The following MAST4 variants were observed in gnomAD, a reference collection of about 807,000 sequenced individuals.
MAST4 encodes the protein microtubule-associated serine/threonine-protein kinase 4.
Under a neutral mutation model 162.7 loss-of-function variants are expected in MAST4, and 89 were observed. The ratio of observed to expected loss-of-function variants is 0.55; its 90% CI spans 0.46 to 0.65. The LOEUF is 0.65. Among genes scored for constraint, MAST4 ranks in the 30% least tolerant of loss-of-function variants. The pLI is 0.00. For missense variants in MAST4, 3,153 were observed against 3,374.0 expected (o/e 0.93, Z 1.62); for synonymous variants, 1,479 against 1,361.1 (o/e 1.09, Z -1.91).
chr5:66,829,082 A>G lies in MAST4; in HGVS notation c.642+40288A>G, dbSNP rs1265888605. ...TGAGGAAGCTGCTTTTGTCAGAGACAATAGATATGACTTTTAGTTTGACAC... is the reference window on the plus strand; with the variant it reads ...TGAGGAAGCTGCTTTTGTCAGAGACGATAGATATGACTTTTAGTTTGACAC... On this transcript the variant is annotated intron_variant, in intron 3 of 28. Transcript: ENST00000403625. 2.6e-5 allele frequency among the ~76,000 whole-genome samples: 4 copies of G among 152,144 alleles called. No homozygotes were observed. In the East Asian group the frequency reaches 7.7e-4, roughly 29 times the overall value.
At chr5:67,003,227 A>C (rs893169839) in intron 4 of MAST4, among the ~76,000 whole-genome samples, 3 of 152,114 alleles carry the variant, frequency 2.0e-5, no homozygotes, top group African/African-American at 7.2e-5. Flanking sequence ...GTTTGGGATA[A>C]AGTCCCAAAT....
intron 3 of MAST4, among the ~76,000 whole-genome samples, chr5:66,853,816 A>G (rs1172116361): frequency 6.6e-6 from 1 of 152,226 alleles, no homozygotes; most frequent in Admixed American, 6.5e-5. Flanking sequence ...TATATAACTT[A>G]TGTTTTAAAC....
In MAST4 at chr5:67,150,734, A is replaced by T. The variant is rs115276547; in HGVS notation, c.3295+1145A>T. Among the ~76,000 whole-genome samples, 6 of 152,266 alleles carry T rather than the reference A, an allele frequency of 3.9e-5. No homozygotes were observed. In the South Asian group the frequency reaches 6.2e-4, roughly 16 times the overall value. ...CTGGCCTTTCAGCAGTTTGGGATCT[A>T]TGTGTGTCCACAGTGACCTCCTCCC... On this transcript the variant is annotated intron_variant, in intron 24 of 28. Coordinates refer to ENST00000403625, the MANE Select transcript of MAST4 (RefSeq NM_001164664.2).
At chr5:66,730,823 A>G (rs1195177166) in intron 1 of MAST4, among the ~76,000 whole-genome samples, 2 of 151,714 alleles carry the variant, frequency 1.3e-5, no homozygotes, top group African/African-American at 4.8e-5. Flanking sequence ...ACAACATGCC[A>G]TTTTGCTTTA....
At chr5:66,930,805 C>A (rs1742112179) in intron 4 of MAST4, 1 of 470,640 alleles carries the variant, frequency 2.1e-6, no homozygotes, top group African/African-American at 2.0e-5. Context: ...AATGGGTGTG[C>A]CTGCTTTAGG....
intron 3 of MAST4, among the ~76,000 whole-genome samples, chr5:66,860,254 A>T (rs1321491532): frequency 6.6e-6 from 1 of 152,250 alleles, no homozygotes; most frequent in Non-Finnish European, 1.5e-5. Context: ...TAGTTGATAC[A>T]TGTAATACAC....
intron 1 of MAST4, among the ~76,000 whole-genome samples, chr5:66,744,024 T>C (rs1162749432): frequency 6.6e-6 from 1 of 152,110 alleles, no homozygotes; most frequent in Non-Finnish European, 1.5e-5. Context: ...CTTTTCCTCT[T>C]CCTCTCTCTC....
chr5:67,128,848 T>C (rs139861096), intron 14 of MAST4, among the ~76,000 whole-genome samples: 1 of 152,300 alleles, frequency 6.6e-6, no homozygotes, highest in East Asian at 1.9e-4. Context: ...GATTGATGGC[T>C]GTTCAGGTAA....
rs749776188 is a variant in MAST4, at chr5:66,759,727, C to T, written c.382C>T (p.Pro128Ser). Residue 128 changes from proline to serine, a missense_variant, in exon 2 of 29, where the codon CCT becomes TCT. Coordinates refer to ENST00000403625, the MANE Select transcript of MAST4 (RefSeq NM_001164664.2). ...QDEELDHILSPPPMPFRKCSN... is the reference protein window; with the variant it reads ...QDEELDHILSSPPMPFRKCSN... Reference sequence around the variant, plus strand: ...TCTGCAGCTTGACCACATATTATCCCCTCCACCCATGCCGTTTCGGAAATG... The same window carrying T: ...TCTGCAGCTTGACCACATATTATCCTCTCCACCCATGCCGTTTCGGAAATG... 1.9e-6 allele frequency: 3 copies of T among 1,613,924 alleles called. No homozygotes were observed. Among genetic ancestry groups the T allele is most frequent in the Non-Finnish European group, 1.7e-6 (2 of 1,179,860 alleles).
At chr5:66,814,266 T>C (rs576436641) in intron 3 of MAST4, among the ~76,000 whole-genome samples, 114 of 152,360 alleles carry the variant, frequency 7.5e-4, no homozygotes, top group African/African-American at 2.5e-3. Context: ...AATTGCTCAC[T>C]GTGCCTCCTC....
chr5:66,750,333 C>A (rs1394638227), intron 1 of MAST4, among the ~76,000 whole-genome samples: 1 of 152,180 alleles, frequency 6.6e-6, no homozygotes, highest in Non-Finnish European at 1.5e-5. Context: ...TCTACAGCTC[C>A]CAGCGTGAGC....
At chr5:66,615,654 A>G (rs1743622151) in intron 1 of MAST4, among the ~76,000 whole-genome samples, 3 of 151,418 alleles carry the variant, frequency 2.0e-5, no homozygotes, top group African/African-American at 7.3e-5. Context: ...TCTCCCTTAA[A>G]AAAAAAAAAT....
chr5:66,635,985 G>A (rs61131128), intron 1 of MAST4, among the ~76,000 whole-genome samples: 32,653 of 112,950 alleles, frequency 0.29, 4,488 homozygotes, highest in Middle Eastern at 0.36. Flanking sequence ...TCGAGACAGA[G>A]TCTTGCTCTG....
chr5:66,601,456 G>A (rs915916239), intron 1 of MAST4, among the ~76,000 whole-genome samples: 33 of 152,166 alleles, frequency 2.2e-4, no homozygotes, highest in Non-Finnish European at 4.6e-4. Context: ...TCAAAAAGTG[G>A]CAAATGGGGA....
Position 66,596,717 on chromosome 5 carries a change from G to C in MAST4, c.62G>C (p.Ser21Thr). ...PVPRGCSGHG[S>T]RTPASALVAA... ...CCCCGCGGCTGCAGTGGCCACGGCA[G>C]CCGGACTCCAGCCTCTGCGCTGGTC... Residue 21 changes from serine to threonine, a missense_variant, in exon 1 of 29, where the codon AGC becomes ACC. By Grantham distance (58) the Ser-to-Thr change is moderately conservative. Transcript: ENST00000403625. 6.9e-7 allele frequency: 1 copy of C among 1,443,692 alleles called. No homozygotes were observed. The highest frequency in any genetic ancestry group is 9.1e-7 in the Non-Finnish European group (1 of 1,098,998). 89.4% of individuals were successfully genotyped at this position (1,443,692 alleles called of 1,614,324 possible).
chr5:67,114,060 T>C (rs1457304230), intron 11 of MAST4, 27 bp from the exon 12 acceptor site: 1 of 1,612,468 alleles, frequency 6.2e-7, no homozygotes, highest in Non-Finnish European at 8.5e-7. Context: ...CTCAAAGAAG[T>C]ATCCATCTGT....
chr5:66,993,343 T>C (rs901501299), intron 4 of MAST4, among the ~76,000 whole-genome samples: 2 of 152,354 alleles, frequency 1.3e-5, no homozygotes, highest in Non-Finnish European at 2.9e-5. Context: ...TTCATTCCGC[T>C]GAGTGTCTGG....
At chr5:67,020,967 T>C (rs1753899402) in intron 4 of MAST4, among the ~76,000 whole-genome samples, 1 of 152,210 alleles carries the variant, frequency 6.6e-6, no homozygotes, top group Non-Finnish European at 1.5e-5. Context: ...CCACAGAAAC[T>C]CTGGACTGCA....
chr5:66,651,599 T>C (rs146454303), intron 1 of MAST4, among the ~76,000 whole-genome samples: 98 of 152,238 alleles, frequency 6.4e-4, no homozygotes, highest in Non-Finnish European at 1.0e-3. Flanking sequence ...TAGATTACTT[T>C]ATTGCTGTGT....
Sources: gnomAD v4.1 joint callset for allele counts (sites outside exome capture counted in the v4.1 genomes callset) on GRCh38, gnomAD v4.1.1 for gene constraint, MANE v1.5 for transcripts, NCBI Gene and HGNC (gene_info 2026-07-23, HGNC 2026-07-21) for gene names.